KCNJ12: variants seen among roughly 807,000 people sequenced by gnomAD.
KCNJ12 encodes the protein potassium inwardly rectifying channel subfamily J member 12.
In KCNJ12, 2 loss-of-function variants were observed where a neutral mutation model predicts 22.3. The observed-to-expected ratio is 0.09, with a 90% CI of 0.04 to 0.28. The LOEUF (loss-of-function observed/expected upper bound fraction) is 0.28. Among genes scored for constraint, KCNJ12 ranks in the 10% least tolerant of loss-of-function variants. The pLI, the probability that KCNJ12 is intolerant of heterozygous loss-of-function variation, is 1.00. For missense variants in KCNJ12, 155 were observed against 633.3 expected (o/e 0.24, Z 8.11); for synonymous variants, 117 against 261.4 (o/e 0.45, Z 5.33).
intron 2 of KCNJ12, among the ~76,000 whole-genome samples, chr17:21,412,366 C>T (rs1339307623): frequency 8.5e-5 from 13 of 152,334 alleles, no homozygotes; most frequent in East Asian, 1.9e-4. Context: ...GTTTCGAGGC[C>T]GCCAGCTGCT....
At chr17:21,401,927 T>A (rs1364877309) in intron 1 of KCNJ12, among the ~76,000 whole-genome samples, 1 of 151,916 alleles carries the variant, frequency 6.6e-6, no homozygotes, top group Non-Finnish European at 1.5e-5. Context: ...TGGAAAGGGG[T>A]GTTGAAGGAT....
At position 21,419,304 on chromosome 17, in the gene KCNJ12, G is replaced by A. The variant is rs1457346705; in HGVS notation, c.*2660G>A. 1 of 162,462 alleles carries A rather than the reference G, an allele frequency of 6.2e-6. No individual in the cohort carries two copies. Among genetic ancestry groups the A allele is most frequent in the Admixed American group, 6.6e-5 (1 of 15,142 alleles). 10.1% of individuals were successfully genotyped at this position (162,462 alleles called of 1,614,324 possible). ...AGATACGTGATCTATACGTGTGTGT[G>A]TGTGTGTGTGTGTGTGTGTGTGTGT... On this transcript the variant is annotated 3_prime_UTR_variant, in exon 3 of 3. Transcript: ENST00000583088.
chr17:21,402,462 A>G (rs73310150), intron 1 of KCNJ12, among the ~76,000 whole-genome samples: 2 of 152,308 alleles, frequency 1.3e-5, no homozygotes, highest in Admixed American at 6.5e-5. Flanking sequence ...GCTGAGTGTG[A>G]TTCTGGCAGC....
At chr17:21,405,376 G>T (rs59709636) in intron 1 of KCNJ12, 1 of 151,078 alleles carries the variant, frequency 6.6e-6, no homozygotes, top group African/African-American at 2.4e-5. Flanking sequence ...AGGCCCCAGT[G>T]AGCTGGGGGG....
chr17:21,407,141 C>G (rs1237871569), intron 1 of KCNJ12, among the ~76,000 whole-genome samples: 1 of 152,304 alleles, frequency 6.6e-6, no homozygotes, highest in Non-Finnish European at 1.5e-5. Flanking sequence ...ATCCATCCAT[C>G]TACCCACTCA....
rs1555562715 is a variant in KCNJ12 at position 21,416,062 on chromosome 17, G to A, written c.720G>A (p.Glu240=). ...AQLIKPRVTE[E]GEYIPLDQID... is the part of the protein sequence containing the mutation. ...TCATCAAGCCGCGGGTCACCGAGGA[G>A]GGCGAGTACATCCCGCTGGACCAGA... The change falls in exon 3 of 3, where the codon GAG becomes GAA. Residue 240 remains glutamate, a synonymous_variant. Coordinates refer to ENST00000583088, the MANE Select transcript of KCNJ12 (RefSeq NM_021012.5). The A allele has an allele frequency of 8.7e-6, 14 of 1,609,312 alleles. No individual in the cohort carries two copies. The highest frequency in any genetic ancestry group is 1.0e-5 in the Non-Finnish European group (12 of 1,177,812).
At chr17:21,380,517 C>G (rs2144759084) in intron 1 of KCNJ12, among the ~76,000 whole-genome samples, 1 of 152,240 alleles carries the variant, frequency 6.6e-6, no homozygotes. Flanking sequence ...TTCCTGGCCT[C>G]AGTTCATCAT....
intron 1 of KCNJ12, among the ~76,000 whole-genome samples, chr17:21,407,019 T>C (rs1905984961): frequency 1.3e-5 from 2 of 152,284 alleles, no homozygotes; most frequent in Non-Finnish European, 2.9e-5. Context: ...AGGATGTATG[T>C]GTACCCAAGG....
Position 21,417,507 on chromosome 17 carries a change from T to A in KCNJ12, c.*863T>A, listed in dbSNP as rs1256069962. 6.0e-6 allele frequency: 1 copy of A among 167,240 alleles called. No homozygotes were observed. The highest frequency in any genetic ancestry group is 1.5e-5 in the Non-Finnish European group (1 of 68,212). The allele number at this position is 167,240 out of a possible 1,614,324, so 10.4% of individuals were successfully genotyped here. On this transcript the variant is annotated 3_prime_UTR_variant, in exon 3 of 3. Transcript: ENST00000583088. ...CCCCGCACCCTCGATTTTCCTGTTT[T>A]GCTTCTCTCTCCATTTCTGTCCAGG... is the stretch of plus-strand genomic sequence containing the variant.
At chr17:21,409,450 C>G (rs1302444240) in intron 2 of KCNJ12, among the ~76,000 whole-genome samples, 3 of 152,426 alleles carry the variant, frequency 2.0e-5, no homozygotes, top group Non-Finnish European at 2.9e-5. Flanking sequence ...GGGAGGTGAT[C>G]CCAGGAAATA....
intron 1 of KCNJ12, among the ~76,000 whole-genome samples, chr17:21,383,631 C>A (rs537781879): frequency 6.6e-6 from 1 of 152,334 alleles, no homozygotes; most frequent in South Asian, 2.1e-4. Flanking sequence ...CCTGGGGATC[C>A]CCAATCACAA....
intron 1 of KCNJ12, among the ~76,000 whole-genome samples, chr17:21,399,105 G>A (rs1445857817): frequency 6.6e-6 from 1 of 152,194 alleles, no homozygotes; most frequent in Non-Finnish European, 1.5e-5. Context: ...CTGGCAGGAG[G>A]CTGGAGGTGG....
At chr17:21,397,767 C>T (rs1234137373) in intron 1 of KCNJ12, among the ~76,000 whole-genome samples, 1 of 152,214 alleles carries the variant, frequency 6.6e-6, no homozygotes, top group Non-Finnish European at 1.5e-5. Context: ...GCCAGTGCGG[C>T]CTGACTCAGG....
At chr17:21,408,269 C>G (rs78220217) in intron 1 of KCNJ12, among the ~76,000 whole-genome samples, 4,992 of 120,554 alleles carry the variant, frequency 0.041, no homozygotes, top group Middle Eastern at 0.071. Context: ...ATGCAATAGG[C>G]ACTCAATAAT....
intron 2 of KCNJ12, 143 bp from the exon 3 acceptor site, chr17:21,415,144 G>C: frequency 1.2e-6 from 1 of 828,852 alleles, no homozygotes. Flanking sequence ...GCGGAGTGGG[G>C]AGCTGGCTTG....
At chr17:21,408,725 C>T (rs1477400580) in intron 2 of KCNJ12, 85 bp downstream of exon 2, 2 of 152,356 alleles carry the variant, frequency 1.3e-5, no homozygotes, top group Non-Finnish European at 2.9e-5. Flanking sequence ...CACCCCTCCA[C>T]CCACCATGCC....
chr17:21,387,072 C>T lies in KCNJ12; in HGVS notation c.-179+10159C>T, dbSNP rs145137523. Among the ~76,000 whole-genome samples the T allele has an allele frequency of 8.6e-3, 1,315 of 152,212 alleles. 16 individuals are homozygous for T. Among genetic ancestry groups the T allele is most frequent in the African/African-American group, 0.029 (1,188 of 41,522 alleles). ...TCAGGAGGCTGAGGCAGGAGAATGGCGTGAACCCGGGGGGCGGAGCCTGCA... is the reference window on the plus strand; with the variant it reads ...TCAGGAGGCTGAGGCAGGAGAATGGTGTGAACCCGGGGGGCGGAGCCTGCA... On this transcript the variant is annotated intron_variant, in intron 1 of 2. Coordinates refer to ENST00000583088, the MANE Select transcript of KCNJ12 (RefSeq NM_021012.5).
rs545171630 is a variant in KCNJ12 at position 21,399,002 on chromosome 17, G to A, written c.-178-9517G>A. The stretch of plus-strand genomic sequence containing the variant: ...TCCATAAATGTGTGCCTTAGGGGTG[G>A]AGCCCTGGCAGGAGCTGGGACCCAC... On this transcript the variant is annotated intron_variant, in intron 1 of 2. Transcript: ENST00000583088. Among the ~76,000 whole-genome samples the A allele has an allele frequency of 2.7e-4, 41 of 152,338 alleles. No homozygotes were observed. In the East Asian group the frequency reaches 4.6e-3, roughly 17 times the overall value.
At chr17:21,380,296 G>C (rs1362845862) in intron 1 of KCNJ12, among the ~76,000 whole-genome samples, 3 of 152,216 alleles carry the variant, frequency 2.0e-5, no homozygotes, top group Non-Finnish European at 4.4e-5. Context: ...TGAGAGCTGT[G>C]GGGGCTGAGT....
Sources: gnomAD v4.1 joint callset for allele counts (sites outside exome capture counted in the v4.1 genomes callset) on GRCh38, gnomAD v4.1.1 for gene constraint, MANE v1.5 for transcripts, NCBI Gene and HGNC (gene_info 2026-07-23, HGNC 2026-07-21) for gene names.